MET: variants seen among roughly 807,000 people sequenced by gnomAD.
The protein encoded by MET is MET proto-oncogene, receptor tyrosine kinase.
A neutral mutation model predicts 133.1 loss-of-function variants in MET; 48 were observed. The ratio of observed to expected loss-of-function variants is 0.36; its 90% confidence interval spans 0.29 to 0.46. The LOEUF is 0.46. Among genes scored for constraint, MET ranks in the 20% least tolerant of loss-of-function variants. MET has a pLI of 1.00. For missense variants in MET, 1,442 were observed against 1,695.9 expected (o/e 0.85, Z 2.63); for synonymous variants, 628 against 616.5 (o/e 1.02, Z -0.28).
rs2116956205 is a variant in MET at position 116,763,185 on chromosome 7, A to G, written c.2500A>G (p.Ile834Val). ...GATCCTTTCCAAATACTTTGATCTC[A>G]TTTATGTACATAATCCTGTGTTTAA... is the stretch of plus-strand genomic sequence containing the variant. ...DGILSKYFDL[I>V]YVHNPVFKPF... Residue 834 changes from isoleucine to valine, a missense_variant, in exon 11 of 21, where the codon ATT (isoleucine) becomes GTT (valine). Ile to Val is a conservative substitution (Grantham distance 29). Around this residue, in one of 6 missense-constraint regions of MET, gnomAD observed 514 missense variants for 659.6 expected, o/e 0.78. Coordinates refer to ENST00000397752, the MANE Select transcript of MET (RefSeq NM_000245.4). 6.2e-7 allele frequency: 1 copy of G among 1,613,128 alleles called. No individual in the cohort carries two copies.
chr7:116,756,493 A>C (rs2116915259), intron 6 of MET, among the ~76,000 whole-genome samples: 1 of 152,292 alleles, frequency 6.6e-6, no homozygotes, highest in Non-Finnish European at 1.5e-5. Context: ...TTTTCTAGAA[A>C]TCTCCCTTGT....
At chr7:116,743,973 C>A (rs561940865) in intron 5 of MET, among the ~76,000 whole-genome samples, 298 of 152,288 alleles carry the variant, frequency 2.0e-3, no homozygotes, top group African/African-American at 6.7e-3. Flanking sequence ...AACTAACAAA[C>A]AGAAAGCAAT....
chr7:116,686,795 A>G (rs1039642009), intron 1 of MET, among the ~76,000 whole-genome samples: 5 of 152,156 alleles, frequency 3.3e-5, no homozygotes, highest in Non-Finnish European at 5.9e-5. Flanking sequence ...CTCTATGCCA[A>G]TTGCAGCTTC....
Position 116,672,418 on chromosome 7 carries a change from G to C in MET, c.-174G>C, listed in dbSNP as rs917008172. 12 of 392,628 alleles carry C rather than the reference G, an allele frequency of 3.1e-5. No homozygotes were observed. Among genetic ancestry groups the C allele is most frequent in the Non-Finnish European group, 4.5e-5 (10 of 222,242 alleles). 24.3% of individuals were successfully genotyped at this position (392,628 alleles called of 1,614,324 possible). On this transcript the variant is annotated 5_prime_UTR_variant, in exon 1 of 21. Transcript: ENST00000397752. ...GGTGACCCGGAGGCCCTCGCCGCCCGCGGCGCCCCGAGCGCTTTGTGAGCA... is the reference window on the plus strand; with the variant it reads ...GGTGACCCGGAGGCCCTCGCCGCCCCCGGCGCCCCGAGCGCTTTGTGAGCA...
In MET at chr7:116,796,073, C is replaced by T. The variant is rs370767911; in HGVS notation, c.4122C>T (p.Asn1374=). 37 of 1,613,812 alleles carry T rather than the reference C, an allele frequency of 2.3e-5. No homozygotes were observed. The highest frequency in any genetic ancestry group is 3.1e-5 in the Non-Finnish European group (36 of 1,179,920). Residue 1374 remains asparagine (N), a synonymous_variant, in exon 21 of 21, where the codon AAC becomes AAT. Coordinates refer to ENST00000397752, the MANE Select transcript of MET (RefSeq NM_000245.4). ...CTTCTCTGTTGTCATCAGAAGATAACGCTGATGATGAGGTGGACACACGAC... is the reference window on the plus strand; with the variant it reads ...CTTCTCTGTTGTCATCAGAAGATAATGCTGATGATGAGGTGGACACACGAC... The part of the protein sequence containing the change: ...PYPSLLSSED[N]ADDEVDTRPA...
chr7:116,744,958 G>A (rs1793610565), intron 5 of MET, among the ~76,000 whole-genome samples: 1 of 152,148 alleles, frequency 6.6e-6, no homozygotes, highest in Non-Finnish European at 1.5e-5. Context: ...GAAATAAAGG[G>A]TATTCAATTA....
At chr7:116,721,663 C>T (rs1692328774) in intron 2 of MET, among the ~76,000 whole-genome samples, 1 of 151,928 alleles carries the variant, frequency 6.6e-6, no homozygotes, top group Non-Finnish European at 1.5e-5. Flanking sequence ...TGAATGCGTC[C>T]CAGAGATTCT....
At chr7:116,786,933 A>G (rs1795333361) in intron 19 of MET, among the ~76,000 whole-genome samples, 2 of 152,208 alleles carry the variant, frequency 1.3e-5, no homozygotes, top group Non-Finnish European at 2.9e-5. Context: ...TGTGACCCCT[A>G]TTGGCAAGAG....
At chr7:116,725,282 A>C (rs1792698621) in intron 2 of MET, among the ~76,000 whole-genome samples, 1 of 152,112 alleles carries the variant, frequency 6.6e-6, no homozygotes, top group African/African-American at 2.4e-5. Flanking sequence ...TACTTTGAAA[A>C]CCATAATCTA....
At chr7:116,687,356 A>G (rs1331924184) in intron 1 of MET, among the ~76,000 whole-genome samples, 1 of 152,236 alleles carries the variant, frequency 6.6e-6, no homozygotes, top group Non-Finnish European at 1.5e-5. Flanking sequence ...TCCTAGTTTT[A>G]TGAGAATCTA....
intron 3 of MET, among the ~76,000 whole-genome samples, chr7:116,736,530 G>C: frequency 6.6e-6 from 1 of 152,078 alleles, no homozygotes; most frequent in Non-Finnish European, 1.5e-5. Context: ...AAGGAGATAT[G>C]GCCTTTACAT....
At chr7:116,719,208 C>T (rs1295055412) in intron 2 of MET, among the ~76,000 whole-genome samples, 351 of 117,234 alleles carry the variant, frequency 3.0e-3, no homozygotes, top group Middle Eastern at 0.012. Context: ...GATGGTATCT[C>T]ATTGTGGTTT....
At chr7:116,772,367 A>C (rs1436117328) in intron 14 of MET, among the ~76,000 whole-genome samples, 1 of 152,210 alleles carries the variant, frequency 6.6e-6, no homozygotes, top group Non-Finnish European at 1.5e-5. Context: ...TACCTGTTGA[A>C]GCCCAAACAT....
chr7:116,696,717 T>A (rs1419026666), intron 1 of MET, among the ~76,000 whole-genome samples: 1 of 152,250 alleles, frequency 6.6e-6, no homozygotes, highest in Non-Finnish European at 1.5e-5. Flanking sequence ...TTCCTGGTTT[T>A]AACCATCACC....
chr7:116,743,304 C>T (rs1206025453), intron 5 of MET, among the ~76,000 whole-genome samples: 6 of 152,134 alleles, frequency 3.9e-5, no homozygotes, highest in South Asian at 2.1e-4. Flanking sequence ...CAAAACTGGG[C>T]GGCCATTTGG....
intron 11 of MET, among the ~76,000 whole-genome samples, chr7:116,766,769 A>G (rs1021579711): frequency 7.2e-5 from 11 of 152,162 alleles, no homozygotes; most frequent in Non-Finnish European, 1.6e-4. Context: ...GGGCAGTTTC[A>G]TAGTATCTAA....
chr7:116,681,488 T>G (rs894017077), intron 1 of MET, among the ~76,000 whole-genome samples: 2 of 152,232 alleles, frequency 1.3e-5, no homozygotes, highest in African/African-American at 4.8e-5. Flanking sequence ...TTAGCTTTCC[T>G]TGAGGATACT....
chr7:116,732,988 C>A (rs1793074848), intron 3 of MET, among the ~76,000 whole-genome samples: 1 of 152,102 alleles, frequency 6.6e-6, no homozygotes, highest in Non-Finnish European at 1.5e-5. Context: ...CTAGTAATCT[C>A]CCTTCTATTG....
At chr7:116,717,608 G>C (rs1296908519) in intron 2 of MET, among the ~76,000 whole-genome samples, 1 of 152,158 alleles carries the variant, frequency 6.6e-6, no homozygotes, top group Non-Finnish European at 1.5e-5. Context: ...AATGCTTCTG[G>C]TAATTTAGTC....
Sources: gnomAD v4.1 joint callset for allele counts (sites outside exome capture counted in the v4.1 genomes callset) on GRCh38, gnomAD v4.1.1 for gene constraint, gnomAD v4.1.1 regional missense constraint, MANE v1.5 for transcripts, NCBI Gene and HGNC (gene_info 2026-07-23, HGNC 2026-07-21) for gene names.